Variants in ATP13A5 observed in about 807,000 individuals in gnomAD.
ATP13A5 encodes the protein ATPase 13A5, also known as probable cation-transporting ATPase 13A5.
A neutral mutation model predicts 150.2 loss-of-function variants in ATP13A5; 149 were observed. That is an observed-to-expected ratio of 0.99 (90% confidence interval 0.87 to 1.14). The LOEUF is 1.14. ATP13A5 is among the 50% of genes most tolerant of loss of function. The pLI, the probability that ATP13A5 is intolerant of heterozygous loss-of-function variation, is 0.00. For missense variants in ATP13A5, 1,383 were observed against 1,449.3 expected (o/e 0.95, Z 0.74); for synonymous variants, 497 against 522.2 (o/e 0.95, Z 0.66).
chr3:193,336,679 T>C (rs1189464862), intron 9 of ATP13A5, among the ~76,000 whole-genome samples: 1 of 152,158 alleles, frequency 6.6e-6, no homozygotes, highest in Non-Finnish European at 1.5e-5. Context: ...CTATTGTGAA[T>C]AGTGCCACAA....
chr3:193,347,336 C>T (rs911509675), intron 7 of ATP13A5, among the ~76,000 whole-genome samples: 6 of 87,508 alleles, frequency 6.9e-5, no homozygotes, highest in Non-Finnish European at 1.1e-4. Context: ...CTCCAACATA[C>T]ATGTAAAAAC....
At chr3:193,306,657 A>C (rs766843506) in intron 22 of ATP13A5, among the ~76,000 whole-genome samples, 1 of 152,208 alleles carries the variant, frequency 6.6e-6, no homozygotes, top group Non-Finnish European at 1.5e-5. Flanking sequence ...ATATTTCCTT[A>C]AGTACATAAT....
At chr3:193,322,099 T>A (rs550965252) in intron 15 of ATP13A5, among the ~76,000 whole-genome samples, 18 of 152,302 alleles carry the variant, frequency 1.2e-4, no homozygotes, top group East Asian at 1.2e-3. Flanking sequence ...TCTGCAGTGC[T>A]TTTATCTCCC....
chr3:193,286,608 G>A (rs57457987), intron 26 of ATP13A5, among the ~76,000 whole-genome samples: 331 of 152,182 alleles, frequency 2.2e-3, no homozygotes, highest in African/African-American at 7.4e-3. Flanking sequence ...AAATTTAATC[G>A]ATAAATATTG....
At chr3:193,351,982 T>C (rs1712581171) in intron 6 of ATP13A5, among the ~76,000 whole-genome samples, 1 of 152,198 alleles carries the variant, frequency 6.6e-6, no homozygotes, top group Non-Finnish European at 1.5e-5. Context: ...AGTCATAGGA[T>C]ATACATGCAG....
At chr3:193,362,868 C>G (rs1037101845) in intron 3 of ATP13A5, among the ~76,000 whole-genome samples, 1 of 151,812 alleles carries the variant, frequency 6.6e-6, no homozygotes, top group Non-Finnish European at 1.5e-5. Flanking sequence ...GATGACCACT[C>G]ACTGTAGCCT....
intron 22 of ATP13A5, 28 bp from the exon 23 acceptor site, chr3:193,305,696 A>G: frequency 1.2e-6 from 2 of 1,601,180 alleles, no homozygotes; most frequent in East Asian, 2.2e-5. Context: ...TGTCTCACCC[A>G]TGACTTTTCA....
At chr3:193,309,098 C>T (rs897966844) in intron 21 of ATP13A5, among the ~76,000 whole-genome samples, 1 of 152,114 alleles carries the variant, frequency 6.6e-6, no homozygotes, top group Non-Finnish European at 1.5e-5. Context: ...GACTCTGCAG[C>T]CCCAAACTGT....
intron 23 of ATP13A5, among the ~76,000 whole-genome samples, chr3:193,303,499 CAAT>C (rs1451171496): frequency 6.6e-6 from 1 of 151,712 alleles, no homozygotes; most frequent in Non-Finnish European, 1.5e-5. Context: ...GAGAGACACT[CAAT>C]AAATAATGTA....
chr3:193,373,763 C>T (rs927422787), intron 1 of ATP13A5, among the ~76,000 whole-genome samples: 2 of 152,086 alleles, frequency 1.3e-5, no homozygotes, highest in African/African-American at 4.8e-5. Context: ...TGTCCACAAC[C>T]ACATGATTAG....
At chr3:193,329,981 A>T (rs1263491528) in intron 12 of ATP13A5, among the ~76,000 whole-genome samples, 2 of 151,820 alleles carry the variant, frequency 1.3e-5, no homozygotes, top group Admixed American at 6.6e-5. Flanking sequence ...ACAAGGACCC[A>T]CTCCTTAGCG....
intron 7 of ATP13A5, among the ~76,000 whole-genome samples, chr3:193,350,848 A>C (rs543467810): frequency 1.3e-5 from 2 of 152,310 alleles, no homozygotes; most frequent in South Asian, 4.1e-4. Flanking sequence ...TAAACAAAGC[A>C]TTCGATGAAG....
intron 27 of ATP13A5, among the ~76,000 whole-genome samples, chr3:193,284,028 T>TA (rs1265522911): frequency 6.7e-6 from 1 of 149,820 alleles, no homozygotes. Flanking sequence ...TTATTATTAT[T>TA]ATTATTTTTT....
chr3:193,343,211 G>A (rs1020609164), intron 9 of ATP13A5, among the ~76,000 whole-genome samples: 1 of 152,098 alleles, frequency 6.6e-6, no homozygotes, highest in Non-Finnish European at 1.5e-5. Context: ...TTCTATTTCT[G>A]TGTTGCTGTA....
intron 24 of ATP13A5, among the ~76,000 whole-genome samples, chr3:193,300,136 G>A (rs10937577): frequency 0.37 from 56,541 of 152,014 alleles, 11,011 homozygotes; most frequent in East Asian, 0.57. Flanking sequence ...CAGTGTCCCT[G>A]TCAACCTCCA....
chr3:193,345,144 A>G (rs1277449027), intron 7 of ATP13A5, 69 bp from the exon 8 acceptor site: 35 of 1,391,298 alleles, frequency 2.5e-5, no homozygotes, highest in Non-Finnish European at 3.5e-5. Flanking sequence ...ATCTCATTAC[A>G]GTAAATACCA....
At position 193,333,736 on chromosome 3, in the gene ATP13A5, C is replaced by G. The variant is rs780183259; in HGVS notation, c.1272+14G>C. Reference sequence around the variant, plus strand: ...GAATCTATACTATTGAAAAGCCTTACCCCCAGTACTTACTCCATGGTACAT... The same window carrying G: ...GAATCTATACTATTGAAAAGCCTTAGCCCCAGTACTTACTCCATGGTACAT... On this transcript the variant is annotated intron_variant, in intron 11 of 29. Transcript: ENST00000342358. The G allele has an allele frequency of 3.1e-6, 5 of 1,610,448 alleles. No individual in the cohort carries two copies. Among genetic ancestry groups the G allele is most frequent in the African/African-American group, 1.3e-5 (1 of 74,798 alleles).
chr3:193,362,761 CTTTCTTTCTTTCTTTCTTTCT>C (rs1713072630), intron 3 of ATP13A5, 124 bp from the exon 4 acceptor site: 1 of 133,580 alleles, frequency 7.5e-6, no homozygotes, highest in African/African-American at 5.2e-5. Context: ...TTCTTTCTTT[CTTTCTTTCTTTCTTTCTTTCT>C]TTCTTTCTTT....
rs756051427 is a variant in ATP13A5, at chr3:193,334,909, C to T, written c.1114+20G>A. ...CATGTTCAAGCATGAATTAAACTTA[C>T]AAAAGTGGAATCCACTAACCTGTTT... On this transcript the variant is annotated intron_variant, in intron 10 of 29. Coordinates refer to ENST00000342358, the MANE Select transcript of ATP13A5 (RefSeq NM_198505.4). 6.3e-7 allele frequency: 1 copy of T among 1,599,402 alleles called. No homozygotes were observed. The highest frequency in any genetic ancestry group is 1.3e-5 in the African/African-American group (1 of 74,540).
Sources: allele counts gnomAD v4.1 joint callset (sites outside exome capture counted in the v4.1 genomes callset), GRCh38; gene constraint gnomAD v4.1.1; transcripts MANE v1.5; gene names NCBI Gene and HGNC (gene_info 2026-07-23, HGNC 2026-07-21).